The following CHRNB3 variants were observed in gnomAD, a reference collection of about 807,000 sequenced individuals.
CHRNB3 encodes neuronal acetylcholine receptor subunit beta-3.
In CHRNB3, 37 loss-of-function variants were observed where a neutral mutation model predicts 40.6. The observed-to-expected ratio is 0.91, with a 90% CI of 0.70 to 1.20. The LOEUF (loss-of-function observed/expected upper bound fraction) is 1.20, where lower values mean the gene tolerates loss of function less well. CHRNB3 is among the 50% of genes most tolerant of loss of function. The probability of loss-of-function intolerance (pLI) is 0.00; values close to 1 mark genes in which losing one functional copy is unlikely to be tolerated. For missense variants in CHRNB3, 505 were observed against 551.2 expected, an observed-to-expected ratio of 0.92 and a Z score of 0.84; for synonymous variants, 207 against 207.1, an observed-to-expected ratio of 1.00 and a Z score of 0.00.
chr8:42,731,678 G>T lies in CHRNB3; in HGVS notation c.371G>T (p.Arg124Leu). Residue 124 changes from arginine (R) to leucine (L), a missense_variant, in exon 5 of 6, where the codon CGC becomes CTC. Arg to Leu is a moderately radical substitution (Grantham distance 102, BLOSUM62 -2). Coordinates refer to ENST00000289957, the MANE Select transcript of CHRNB3 (RefSeq NM_000749.5). ...DIVLFENADG[R>L]FEGSLMTKVI... is the part of the protein sequence containing the mutation. ...TGCTTTGATTGCAGTGCTGACGGCC[G>T]CTTCGAAGGCTCCCTGATGACCAAG... 1 of 1,606,274 alleles carries T rather than the reference G, an allele frequency of 6.2e-7. No homozygotes were observed. The highest frequency in any genetic ancestry group is 1.1e-5 in the South Asian group (1 of 90,192).
In CHRNB3 at chr8:42,700,193, T is replaced by A. The variant is rs1483409698; in HGVS notation, c.52+2595T>A. On this transcript the variant is annotated intron_variant, in intron 1 of 5. Transcript: ENST00000289957. ...CACGCCCAGCTAATATTTTTTGTAT[T>A]TTTAGTAGAGATGCGGTTTCACCGT... Among the ~76,000 whole-genome samples the A allele has an allele frequency of 2.6e-5, 4 of 152,042 alleles. No homozygotes were observed. In the East Asian group the frequency reaches 7.7e-4, roughly 29 times the overall value.
At chr8:42,728,537 A>G (rs1209297497) in intron 3 of CHRNB3, among the ~76,000 whole-genome samples, 1 of 152,140 alleles carries the variant, frequency 6.6e-6, no homozygotes, top group East Asian at 1.9e-4. Flanking sequence ...TCAAATTAAA[A>G]AAACAAAACA....
rs909321215 is a variant in CHRNB3, at chr8:42,734,346, G to A, written c.1242+1797G>A. Among the ~76,000 whole-genome samples the A allele has an allele frequency of 4.6e-5, 7 of 150,700 alleles. 1 individual carries two copies. Among genetic ancestry groups the A allele is most frequent in the African/African-American group, 1.7e-4 (7 of 40,878 alleles). ...TTATATGAGAACTTCAATTTATAGG[G>A]TTCAAATATTTTACTCTAAAATTGA... On this transcript the variant is annotated intron_variant, in intron 5 of 5. Coordinates refer to ENST00000289957, the MANE Select transcript of CHRNB3 (RefSeq NM_000749.5).
At chr8:42,716,715 T>C (rs1193828268) in intron 3 of CHRNB3, among the ~76,000 whole-genome samples, 2 of 151,998 alleles carry the variant, frequency 1.3e-5, no homozygotes, top group Non-Finnish European at 1.5e-5. Context: ...GGCCCTGTCT[T>C]ATGGAAAGCC....
intron 3 of CHRNB3, among the ~76,000 whole-genome samples, chr8:42,730,388 G>T (rs1816384743): frequency 6.6e-6 from 1 of 152,184 alleles, no homozygotes; most frequent in Non-Finnish European, 1.5e-5. Flanking sequence ...AACATGCAAA[G>T]TGTGTGGGCC....
intron 1 of CHRNB3, among the ~76,000 whole-genome samples, chr8:42,698,413 G>T (rs182024251): frequency 6.6e-6 from 1 of 152,190 alleles, no homozygotes; most frequent in Non-Finnish European, 1.5e-5. Context: ...CAGTTCACTA[G>T]CAATTTGTAT....
At position 42,703,435 on chromosome 8, in the gene CHRNB3, A is replaced by AAAAAAAAAAAATATATATATAT; in HGVS notation, c.53-5281_53-5280insAAAAAAAAAATATATATATATA. On this transcript the variant is annotated intron_variant, in intron 1 of 5. Transcript: ENST00000289957. ...CAAGACTTCGTCTAAAAAAAAAAAAAATATTTATATATATATATATATATA... is the reference window on the plus strand; with the variant it reads ...CAAGACTTCGTCTAAAAAAAAAAAAAAAAAAAAAAAATATATATATATATATTTATATATATATATATATATA... 1.3e-4 allele frequency among the ~76,000 whole-genome samples: 6 copies of AAAAAAAAAAAATATATATATAT among 47,398 alleles called. 1 individual carries two copies. Among genetic ancestry groups the AAAAAAAAAAAATATATATATAT allele is most frequent in the South Asian group, 8.7e-4 (1 of 1,152 alleles). 31.1% of individuals were successfully genotyped at this position (47,398 alleles called of 152,430 possible).
intron 1 of CHRNB3, among the ~76,000 whole-genome samples, chr8:42,702,851 A>C (rs962035655): frequency 1.3e-5 from 2 of 152,230 alleles, no homozygotes; most frequent in Non-Finnish European, 2.9e-5. Context: ...CTAACAGCAA[A>C]ACATCAAAAA....
At chr8:42,730,955 G>A (rs2128908575) in intron 4 of CHRNB3, among the ~76,000 whole-genome samples, 1 of 147,958 alleles carries the variant, frequency 6.8e-6, no homozygotes, top group East Asian at 1.9e-4. Context: ...GGCTGAGGCA[G>A]GAGAATGGCG....
chr8:42,731,374 C>CG lies in CHRNB3; in HGVS notation c.360-292dup. ...TTCGGGACCAGCCTGGCCAACATGGCGAAACCCTGTCTCTACTAAAAATAC... is the reference window on the plus strand; with the variant it reads ...TTCGGGACCAGCCTGGCCAACATGGCGGAAACCCTGTCTCTACTAAAAATAC... On this transcript the variant is annotated intron_variant, in intron 4 of 5. Transcript: ENST00000289957. Among the ~76,000 whole-genome samples, 3 of 151,916 alleles carry CG rather than the reference C, an allele frequency of 2.0e-5. 1 individual carries two copies. In the South Asian group the frequency reaches 6.2e-4, roughly 32 times the overall value.
intron 3 of CHRNB3, among the ~76,000 whole-genome samples, chr8:42,728,660 A>G (rs1052541115): frequency 6.6e-6 from 1 of 152,188 alleles, no homozygotes; most frequent in Non-Finnish European, 1.5e-5. Flanking sequence ...AAATTATAGA[A>G]ACAGAACAAA....
rs775275844 is a variant in CHRNB3 at position 42,732,099 on chromosome 8, A to T, written c.792A>T (p.Lys264Asn). The T allele has an allele frequency of 1.5e-5, 25 of 1,613,998 alleles. No homozygotes were observed. The highest frequency in any genetic ancestry group is 3.3e-5 in the Admixed American group (2 of 59,984). ...ATTTACCTTCGGATGAAGGAGAAAA[A>T]CTTTCATTATCCACATCGGTCTTGG... ...VFYLPSDEGE[K>N]LSLSTSVLVS... is the part of the protein sequence containing the mutation. Residue 264 changes from lysine to asparagine, a missense_variant, in exon 5 of 6, where the codon AAA becomes AAT. Coordinates refer to ENST00000289957, the MANE Select transcript of CHRNB3 (RefSeq NM_000749.5).
At position 42,723,064 on chromosome 8, in the gene CHRNB3, G is replaced by A. The variant is rs971373967; in HGVS notation, c.250-7530G>A. ...TTACTTAGATATTTACTAAAATATC[G>A]TAATAGGATATCCTATTACTTAGAT... On this transcript the variant is annotated intron_variant, in intron 3 of 5. Coordinates refer to ENST00000289957, the MANE Select transcript of CHRNB3 (RefSeq NM_000749.5). Among the ~76,000 whole-genome samples, 20 of 141,630 alleles carry A rather than the reference G, an allele frequency of 1.4e-4. 1 individual carries two copies. Among genetic ancestry groups the A allele is most frequent in the African/African-American group, 4.3e-4 (17 of 39,958 alleles). The allele number at this position is 141,630 out of a possible 152,430, so 92.9% of individuals were successfully genotyped here. A position where few individuals can be genotyped will look rare whatever the true frequency, so the allele number is the denominator to read the frequency against.
At chr8:42,703,542 T>C (rs62516741) in intron 1 of CHRNB3, among the ~76,000 whole-genome samples, 4,671 of 149,648 alleles carry the variant, frequency 0.031, 123 homozygotes, top group Middle Eastern at 0.11. Flanking sequence ...TCTTAGAATA[T>C]AGTGATTAAT....
At chr8:42,702,496 G>A (rs1046252492) in intron 1 of CHRNB3, among the ~76,000 whole-genome samples, 2 of 152,232 alleles carry the variant, frequency 1.3e-5, no homozygotes, top group Non-Finnish European at 2.9e-5. Flanking sequence ...GGCCAGGCAC[G>A]ATGGCTCACG....
intron 3 of CHRNB3, among the ~76,000 whole-genome samples, chr8:42,724,677 A>G (rs1266734540): frequency 2.6e-5 from 4 of 152,056 alleles, no homozygotes; most frequent in African/African-American, 9.7e-5. Context: ...GCGGCAGCCA[A>G]TGTAGAAAAC....
intron 3 of CHRNB3, among the ~76,000 whole-genome samples, chr8:42,713,888 T>C (rs973772056): frequency 3.3e-5 from 5 of 152,188 alleles, no homozygotes; most frequent in Admixed American, 6.5e-5. Flanking sequence ...CCAGGATCTT[T>C]CTGGCCATAT....
chr8:42,735,500 T>A (rs1011424220), intron 5 of CHRNB3, among the ~76,000 whole-genome samples: 10 of 152,120 alleles, frequency 6.6e-5, no homozygotes, highest in Non-Finnish European at 8.8e-5. Flanking sequence ...ATTGCACCAC[T>A]GCAGCCTGGG....
chr8:42,713,294 C>T (rs1009925942), intron 3 of CHRNB3, among the ~76,000 whole-genome samples: 30 of 152,140 alleles, frequency 2.0e-4, no homozygotes, highest in Non-Finnish European at 3.4e-4. Context: ...GAGTGGGCGC[C>T]GAGGACCCTG....
Sources: gnomAD v4.1 joint callset for allele counts (sites outside exome capture counted in the v4.1 genomes callset) on GRCh38, gnomAD v4.1.1 for gene constraint, MANE v1.5 for transcripts, NCBI Gene and HGNC (gene_info 2026-07-23, HGNC 2026-07-21) for gene names.